Variants in MFAP3L observed in about 807,000 individuals in gnomAD.
MFAP3L encodes microfibrillar-associated protein 3-like.
In MFAP3L, 5 loss-of-function variants were observed where a neutral mutation model predicts 20.0. The observed-to-expected ratio is 0.25, with a 90% confidence interval of 0.13 to 0.53. The LOEUF (loss-of-function observed/expected upper bound fraction) is 0.53, where lower values mean the gene tolerates loss of function less well. Ranked by LOEUF, MFAP3L falls within the 20% of genes least tolerant of loss-of-function variation. The pLI is 0.96. For synonymous variants in MFAP3L, 219 were observed against 213.0 expected, an observed-to-expected ratio of 1.03 and a Z score of -0.25; for missense variants, 409 against 527.5, an observed-to-expected ratio of 0.78 and a Z score of 2.20.
intron 1 of MFAP3L, among the ~76,000 whole-genome samples, chr4:170,024,791 C>T (rs1036488374): frequency 6.6e-6 from 1 of 152,188 alleles, no homozygotes; most frequent in African/African-American, 2.4e-5. Context: ...TGGGGGAAAT[C>T]ACCCCAGAGA....
At chr4:169,999,064 A>G (rs1334426039) in intron 2 of MFAP3L, among the ~76,000 whole-genome samples, 4 of 152,252 alleles carry the variant, frequency 2.6e-5, no homozygotes, top group Non-Finnish European at 4.4e-5. Context: ...AAGCAAATTT[A>G]GCACTGCATG....
Position 169,992,314 on chromosome 4 carries a change from C to G in MFAP3L, c.299-5G>C. On this transcript the variant is annotated splice_region_variant and splice_polypyrimidine_tract_variant and intron_variant, in intron 2 of 2. Coordinates refer to ENST00000361618, the MANE Select transcript of MFAP3L (RefSeq NM_021647.8). This position sits in a 1 kb window ranked among gnomAD's most constrained non-coding sequence, Gnocchi z 4.3. ...TGTCGTGCATTTGCCATTTTCCTGT[C>G]GGAAGGGAGAGAAGAGAATTCAACC... 6.3e-7 allele frequency: 1 copy of G among 1,599,174 alleles called. No individual in the cohort carries two copies. Among genetic ancestry groups the G allele is most frequent in the African/African-American group, 1.3e-5 (1 of 74,720 alleles).
rs1365202714 is a variant in MFAP3L, at chr4:169,989,852, G to C, written c.*1526C>G. 1.3e-5 allele frequency: 2 copies of C among 152,114 alleles called. No homozygotes were observed. Among genetic ancestry groups the C allele is most frequent in the Non-Finnish European group, 2.9e-5 (2 of 68,032 alleles). 9.4% of individuals were successfully genotyped at this position (152,114 alleles called of 1,614,324 possible). Reference sequence around the variant, plus strand: ...AATATTAAATCTTAATTGCAGATGTGGTCCTAATGGTTTTTTTGGAAGGAG... The same window carrying C: ...AATATTAAATCTTAATTGCAGATGTCGTCCTAATGGTTTTTTTGGAAGGAG... On this transcript the variant is annotated 3_prime_UTR_variant, in exon 3 of 3. Transcript: ENST00000361618.
At chr4:169,994,471 A>G in intron 2 of MFAP3L, 1 of 981,172 alleles carries the variant, frequency 1.0e-6, no homozygotes, top group African/African-American at 1.7e-5. Flanking sequence ...TAATTGTTAT[A>G]GAAAAATAAA....
At position 169,987,992 on chromosome 4, in the gene MFAP3L, G is replaced by C. The variant is rs1737389912; in HGVS notation, c.*3386C>G. ...CAGAACCCCATTGTGTGAGATGTCA[G>C]GTCTTTCAACCTTAGTTGTGAAAAA... On this transcript the variant is annotated 3_prime_UTR_variant, in exon 3 of 3. Coordinates refer to ENST00000361618, the MANE Select transcript of MFAP3L (RefSeq NM_021647.8). The C allele has an allele frequency of 6.6e-6, 1 of 152,134 alleles. No homozygotes were observed. The highest frequency in any genetic ancestry group is 6.5e-5 in the Admixed American group (1 of 15,270). The allele number at this position is 152,134 out of a possible 1,614,324, so 9.4% of individuals were successfully genotyped here. A position where few individuals can be genotyped will look rare whatever the true frequency, so the allele number is the denominator to read the frequency against.
rs1200595758 is a variant in MFAP3L at position 170,026,272 on chromosome 4, C to A, written c.-172G>T. ...GCCACTCAGGTGGCCGCCGTGCACC[C>A]CTCGCCATGGCCAGCCCGACAGCGG... On this transcript the variant is annotated 5_prime_UTR_variant, in exon 1 of 3. Coordinates refer to ENST00000361618, the MANE Select transcript of MFAP3L (RefSeq NM_021647.8). 3 of 984,424 alleles carry A rather than the reference C, an allele frequency of 3.0e-6. No individual in the cohort carries two copies. Among genetic ancestry groups the A allele is most frequent in the Non-Finnish European group, 3.6e-6 (3 of 829,640 alleles). 61.0% of individuals were successfully genotyped at this position (984,424 alleles called of 1,614,324 possible).
intron 2 of MFAP3L, 60 bp downstream of exon 2, chr4:170,005,520 C>T (rs1251676358): frequency 6.5e-7 from 1 of 1,535,540 alleles, no homozygotes; most frequent in Non-Finnish European, 8.9e-7. Context: ...ATCACGGGTG[C>T]TGGCTCCAAA....
At chr4:170,020,532 G>GA in intron 1 of MFAP3L, among the ~76,000 whole-genome samples, 2 of 152,176 alleles carry the variant, frequency 1.3e-5, no homozygotes, top group East Asian at 3.9e-4. Context: ...TCAACAGTGT[G>GA]AAACTCAAGT....
Position 170,006,551 on chromosome 4 carries a change from T to G in MFAP3L, c.-133-541A>C, listed in dbSNP as rs925165160. On this transcript the variant is annotated intron_variant, in intron 1 of 2. Coordinates refer to ENST00000361618, the MANE Select transcript of MFAP3L (RefSeq NM_021647.8). ...GGAACAAATATTTCTTATATTAAAT[T>G]TATATATTGCTTCATAGAGCGCAAA... is the stretch of plus-strand genomic sequence containing the variant. 4 of 152,242 alleles carry G rather than the reference T, an allele frequency of 2.6e-5. No homozygotes were observed. The East Asian group carries it at 7.7e-4, about 29-fold the overall frequency. The allele number at this position is 152,242 out of a possible 1,614,324, so 9.4% of individuals were successfully genotyped here.
Position 169,992,829 on chromosome 4 carries a change from T to C in MFAP3L, c.299-520A>G, listed in dbSNP as rs1176745758. 6.6e-6 allele frequency among the ~76,000 whole-genome samples: 1 copy of C among 152,216 alleles called. No homozygotes were observed. Among genetic ancestry groups the C allele is most frequent in the Admixed American group, 6.5e-5 (1 of 15,282 alleles). ...AATGCAATTAAATTGTTTACCTGAGTTTCTCAAATTTAAGATTGAAGTAAT... is the reference window on the plus strand; with the variant it reads ...AATGCAATTAAATTGTTTACCTGAGCTTCTCAAATTTAAGATTGAAGTAAT... On this transcript the variant is annotated intron_variant, in intron 2 of 2. Coordinates refer to ENST00000361618, the MANE Select transcript of MFAP3L (RefSeq NM_021647.8). The surrounding 1 kb of genome is among the most constrained non-coding windows in gnomAD (Gnocchi z 4.3).
chr4:170,021,491 T>C (rs1003025349), intron 1 of MFAP3L, among the ~76,000 whole-genome samples: 7 of 152,230 alleles, frequency 4.6e-5, no homozygotes, highest in Non-Finnish European at 8.8e-5. Flanking sequence ...AGCTATACAA[T>C]ATAAAGTTTT....
chr4:169,994,563 T>C, intron 2 of MFAP3L: 3 of 971,604 alleles, frequency 3.1e-6, no homozygotes, highest in Non-Finnish European at 3.7e-6. Flanking sequence ...ACTTTGAGTT[T>C]TCAGATATGA....
At chr4:169,999,940 T>C (rs528912740) in intron 2 of MFAP3L, among the ~76,000 whole-genome samples, 1 of 152,298 alleles carries the variant, frequency 6.6e-6, no homozygotes, top group East Asian at 1.9e-4. Context: ...GTAGGCTGTT[T>C]AGCAGCATCT....
At chr4:170,007,701 G>T (rs1739132802) in intron 1 of MFAP3L, among the ~76,000 whole-genome samples, 1 of 152,042 alleles carries the variant, frequency 6.6e-6, no homozygotes, top group Non-Finnish European at 1.5e-5. Flanking sequence ...TTCAGCACTG[G>T]GTCCTTTGCA....
At position 170,026,360 on chromosome 4, in the gene MFAP3L, C is replaced by T. The variant is rs949720696; in HGVS notation, c.-260G>A. The T allele has an allele frequency of 6.7e-6, 6 of 893,304 alleles. No individual in the cohort carries two copies. In the African/African-American group the frequency reaches 9.1e-5, roughly 13 times the overall value. The allele number at this position is 893,304 out of a possible 1,614,324, so 55.3% of individuals were successfully genotyped here. ...CCTACTGCGGGCGAGCCGCCTCCGC[C>T]GGCGCCTCACAGCGTTGCGAGCTGC... is the stretch of plus-strand genomic sequence containing the variant. On this transcript the variant is annotated 5_prime_UTR_variant, in exon 1 of 3. Coordinates refer to ENST00000361618, the MANE Select transcript of MFAP3L (RefSeq NM_021647.8).
chr4:170,026,878 A>G (rs957045912), upstream of MFAP3L: 4 of 152,212 alleles, frequency 2.6e-5, no homozygotes, highest in African/African-American at 7.2e-5. Context: ...CTTGCAATCA[A>G]ATGCAATCAC....
At chr4:170,006,720 T>C (rs1168137680) in intron 1 of MFAP3L, 1 of 152,246 alleles carries the variant, frequency 6.6e-6, no homozygotes, top group African/African-American at 2.4e-5. Flanking sequence ...TCTGCGTCAC[T>C]GGTCACAGCT....
At chr4:169,997,504 G>A (rs928672330) in intron 2 of MFAP3L, among the ~76,000 whole-genome samples, 3 of 152,158 alleles carry the variant, frequency 2.0e-5, no homozygotes, top group Admixed American at 6.5e-5. Context: ...ATGGGAAAAG[G>A]CTATGAACAG....
At chr4:170,026,979 A>G (rs550633309), upstream of MFAP3L, 12 of 152,278 alleles carry the variant, frequency 7.9e-5, no homozygotes, top group South Asian at 2.5e-3. Flanking sequence ...AAGTCCACAG[A>G]TGGAAGAGTC....
Sources: allele counts gnomAD v4.1 joint callset (sites outside exome capture counted in the v4.1 genomes callset), GRCh38; gene constraint gnomAD v4.1.1; non-coding constraint Gnocchi (gnomAD v3.1); transcripts MANE v1.5; gene names NCBI Gene and HGNC (gene_info 2026-07-23, HGNC 2026-07-21).